Variants in KLHL1 observed in about 807,000 individuals in gnomAD.
The protein encoded by KLHL1 is kelch-like protein 1.
A neutral mutation model predicts 77.7 loss-of-function variants in KLHL1; 47 were observed. The observed-to-expected ratio is 0.60, with a 90% CI of 0.48 to 0.77. KLHL1 has a LOEUF of 0.77. Ranked by LOEUF, KLHL1 falls within the 30% of genes least tolerant of loss-of-function variation. KLHL1 has a pLI of 0.00. For synonymous variants in KLHL1, 360 were observed against 325.2 expected, an observed-to-expected ratio of 1.11 and a Z score of -1.15; for missense variants, 925 against 910.8, an observed-to-expected ratio of 1.02 and a Z score of -0.20.
At chr13:69,799,563 T>G (rs1036096737) in intron 6 of KLHL1, among the ~76,000 whole-genome samples, 3 of 152,212 alleles carry the variant, frequency 2.0e-5, no homozygotes, top group Non-Finnish European at 4.4e-5. Flanking sequence ...CATTTCCATC[T>G]TCATTTTTCA....
intron 1 of KLHL1, among the ~76,000 whole-genome samples, chr13:70,057,732 C>A (rs1389300539): frequency 1.5e-5 from 2 of 135,118 alleles, no homozygotes; most frequent in Non-Finnish European, 3.1e-5. Flanking sequence ...GCCGAGATTG[C>A]GCCACTGCAG....
intron 1 of KLHL1, among the ~76,000 whole-genome samples, chr13:70,105,093 G>T (rs1888018366): frequency 6.6e-6 from 1 of 151,820 alleles, no homozygotes; most frequent in South Asian, 2.1e-4. Flanking sequence ...AAATAAAATT[G>T]GACCTGATTT....
intron 8 of KLHL1, 145 bp from the exon 9 acceptor site, chr13:69,719,726 A>C: frequency 1.6e-6 from 1 of 625,448 alleles, no homozygotes; most frequent in Middle Eastern, 4.4e-4. Context: ...TGTTAAAGAT[A>C]CTCAATAAAT....
chr13:70,004,562 T>G (rs1033054770), intron 1 of KLHL1, among the ~76,000 whole-genome samples: 1 of 151,932 alleles, frequency 6.6e-6, no homozygotes, highest in African/African-American at 2.4e-5. Context: ...TTATAGTCTT[T>G]GTTGATTATT....
At chr13:69,848,481 G>C (rs1879559077) in intron 5 of KLHL1, among the ~76,000 whole-genome samples, 1 of 151,394 alleles carries the variant, frequency 6.6e-6, no homozygotes, top group African/African-American at 2.4e-5. Context: ...ATTGAATCTT[G>C]AAATTTTAAG....
At chr13:69,773,494 A>G (rs1019267578) in intron 7 of KLHL1, among the ~76,000 whole-genome samples, 1 of 152,032 alleles carries the variant, frequency 6.6e-6, no homozygotes, top group Non-Finnish European at 1.5e-5. Context: ...TGTCTATATC[A>G]AATAGTGAGC....
rs1875357309 is a variant in KLHL1 at position 69,700,836 on chromosome 13, T to C, written c.*866A>G. 2 of 152,488 alleles carry C rather than the reference T, an allele frequency of 1.3e-5. No individual in the cohort carries two copies. Among genetic ancestry groups the C allele is most frequent in the African/African-American group, 4.8e-5 (2 of 41,554 alleles). The allele number at this position is 152,488 out of a possible 1,614,324, so 9.4% of individuals were successfully genotyped here. On this transcript the variant is annotated 3_prime_UTR_variant, in exon 11 of 11. Coordinates refer to ENST00000377844, the MANE Select transcript of KLHL1 (RefSeq NM_020866.3). ...ATCATATGTTTTTCTTTTGAAATTCTAAGTTTGTTTAAGAACAAAATTCTA... is the reference window on the plus strand; with the variant it reads ...ATCATATGTTTTTCTTTTGAAATTCCAAGTTTGTTTAAGAACAAAATTCTA...
intron 5 of KLHL1, among the ~76,000 whole-genome samples, chr13:69,851,073 C>T (rs981088722): frequency 7.4e-5 from 2 of 26,870 alleles, no homozygotes; most frequent in Non-Finnish European, 1.8e-4. Context: ...ATTGTTTATA[C>T]TTAGTAGTCA....
At chr13:70,038,328 T>A (rs1886287773) in intron 1 of KLHL1, among the ~76,000 whole-genome samples, 1 of 152,174 alleles carries the variant, frequency 6.6e-6, no homozygotes, top group South Asian at 2.1e-4. Flanking sequence ...GACTCTTCCA[T>A]GTTTTGCCTA....
intron 6 of KLHL1, among the ~76,000 whole-genome samples, chr13:69,811,099 G>A (rs1420098415): frequency 1.3e-5 from 2 of 151,834 alleles, no homozygotes; most frequent in African/African-American, 4.8e-5. Flanking sequence ...AAGGAGGGGG[G>A]CCTCCTCCCT....
intron 4 of KLHL1, among the ~76,000 whole-genome samples, chr13:69,928,131 T>G (rs1195685479): frequency 6.6e-6 from 1 of 152,238 alleles, no homozygotes; most frequent in Non-Finnish European, 1.5e-5. Context: ...ATTAGGCTTT[T>G]GTTTAAGAAT....
chr13:69,972,737 G>A (rs1884423903), intron 2 of KLHL1, among the ~76,000 whole-genome samples: 1 of 151,750 alleles, frequency 6.6e-6, no homozygotes, highest in Admixed American at 6.6e-5. Context: ...TCTTAATAAT[G>A]GCTAAGGGGG....
At chr13:69,763,092 A>T (rs1176296341) in intron 7 of KLHL1, among the ~76,000 whole-genome samples, 1 of 152,168 alleles carries the variant, frequency 6.6e-6, no homozygotes, top group Non-Finnish European at 1.5e-5. Flanking sequence ...GGCAAGAATT[A>T]GAATTGTGTC....
chr13:70,087,485 G>T (rs1182676586), intron 1 of KLHL1, among the ~76,000 whole-genome samples: 1 of 150,772 alleles, frequency 6.6e-6, no homozygotes, highest in Non-Finnish European at 1.5e-5. Context: ...TTCACAAGGA[G>T]ATTCTCCAAC....
At chr13:69,946,556 G>A (rs73510188) in intron 3 of KLHL1, among the ~76,000 whole-genome samples, 19,159 of 151,712 alleles carry the variant, frequency 0.13, 1,684 homozygotes, top group East Asian at 0.29. Flanking sequence ...TCTGTCATCT[G>A]GGCTGAAGGG....
intron 1 of KLHL1, among the ~76,000 whole-genome samples, chr13:70,041,465 A>T (rs1448873748): frequency 3.3e-5 from 5 of 152,180 alleles, no homozygotes; most frequent in Non-Finnish European, 7.3e-5. Flanking sequence ...CTCCATGGAC[A>T]AGATAAAGAA....
At chr13:69,815,331 A>C (rs1878074661) in intron 6 of KLHL1, among the ~76,000 whole-genome samples, 1 of 152,230 alleles carries the variant, frequency 6.6e-6, no homozygotes, top group African/African-American at 2.4e-5. Context: ...TGATTGAATA[A>C]AGAAAATGTG....
At chr13:69,728,144 T>G (rs2137909097) in intron 8 of KLHL1, among the ~76,000 whole-genome samples, 1 of 152,230 alleles carries the variant, frequency 6.6e-6, no homozygotes, top group Non-Finnish European at 1.5e-5. Flanking sequence ...TTTTCTTTCT[T>G]TTTTAATGTG....
At chr13:69,870,900 C>T (rs906128612) in intron 5 of KLHL1, among the ~76,000 whole-genome samples, 2 of 152,060 alleles carry the variant, frequency 1.3e-5, no homozygotes, top group Non-Finnish European at 2.9e-5. Flanking sequence ...CATGTGGCCG[C>T]TCTCAGGGAT....
Sources: gnomAD v4.1 joint callset for allele counts (sites outside exome capture counted in the v4.1 genomes callset) on GRCh38, gnomAD v4.1.1 for gene constraint, MANE v1.5 for transcripts, NCBI Gene and HGNC (gene_info 2026-07-23, HGNC 2026-07-21) for gene names.